The following TEX14 variants were observed in gnomAD, a reference collection of about 807,000 sequenced individuals.
The protein encoded by TEX14 is testis expressed 14, intercellular bridge forming factor.
A neutral mutation model predicts 178.6 loss-of-function variants in TEX14; 168 were observed. The observed-to-expected ratio is 0.94, with a 90% confidence interval of 0.83 to 1.07. The LOEUF is 1.07. Ranked by LOEUF, TEX14 falls within the 50% of genes least tolerant of loss-of-function variation. The pLI is 0.00. For missense variants in TEX14, 1,730 were observed against 1,753.6 expected (o/e 0.99, Z 0.24); for synonymous variants, 626 against 634.1 (o/e 0.99, Z 0.19).
intron 3 of TEX14, among the ~76,000 whole-genome samples, chr17:58,626,121 T>TCCCTTTCCTGCCC (rs1008915841): frequency 1.3e-5 from 2 of 152,056 alleles, no homozygotes; most frequent in Non-Finnish European, 2.9e-5. Flanking sequence ...CTTTCCTGGC[T>TCCCTTTCCTGCCC]CCCTTTCCTG....
At chr17:58,653,794 TG>T (rs1415568698) in intron 1 of TEX14, among the ~76,000 whole-genome samples, 1 of 152,224 alleles carries the variant, frequency 6.6e-6, no homozygotes, top group Non-Finnish European at 1.5e-5. Context: ...GCCCCCTTTG[TG>T]GCAGTCCAGG....
At chr17:58,620,835 A>G (rs1274001293) in intron 5 of TEX14, among the ~76,000 whole-genome samples, 2 of 145,726 alleles carry the variant, frequency 1.4e-5, no homozygotes, top group African/African-American at 4.9e-5. Context: ...CTGAGCAAAG[A>G]GCCAAAACTG....
intron 26 of TEX14, 81 bp from the exon 27 acceptor site, chr17:58,565,905 G>T: frequency 8.9e-7 from 1 of 1,125,154 alleles, no homozygotes; most frequent in Non-Finnish European, 1.3e-6. Context: ...GTTCTCCAAG[G>T]GTGATCCTTA....
intron 1 of TEX14, among the ~76,000 whole-genome samples, chr17:58,678,353 C>T (rs1053094570): frequency 6.6e-6 from 1 of 152,080 alleles, no homozygotes; most frequent in African/African-American, 2.4e-5. Context: ...ATAAATCATG[C>T]TACTATAAAG....
At chr17:58,691,785 C>A (rs2047734952) in intron 1 of TEX14, among the ~76,000 whole-genome samples, 154 bp downstream of exon 1, 1 of 151,980 alleles carries the variant, frequency 6.6e-6, no homozygotes, top group African/African-American at 2.4e-5. Flanking sequence ...GCTTGCCTTC[C>A]TCCCCGAAGT....
chr17:58,638,700 G>A (rs1408768915), intron 2 of TEX14, among the ~76,000 whole-genome samples: 1 of 151,782 alleles, frequency 6.6e-6, no homozygotes, highest in Admixed American at 6.6e-5. Context: ...CACGACGCCT[G>A]CCTAATTTTT....
At position 58,605,081 on chromosome 17, in the gene TEX14, C is replaced by T. The variant is rs370936255; in HGVS notation, c.1233G>A (p.Thr411=). 8.7e-6 allele frequency: 14 copies of T among 1,614,030 alleles called. No individual in the cohort carries two copies. The African/African-American group carries it at 9.3e-5, about 11-fold the overall frequency. ...CTGGTGCGGCCCAGTTGTATAGCTG[C>T]GTAGGAAGGGGCACTCGAGTCAGGT... ...QRDLTRVPLP[T]QLYNWAAPEV... Residue 411 remains threonine (T), a synonymous_variant, in exon 11 of 32, where the codon ACG becomes ACA. Coordinates refer to ENST00000349033, the MANE Select transcript of TEX14 (RefSeq NM_031272.5).
At position 58,659,428 on chromosome 17, in the gene TEX14, C is replaced by T. The variant is rs978224653; in HGVS notation, c.-1-7426G>A. 4 of 489,394 alleles carry T rather than the reference C, an allele frequency of 8.2e-6. No homozygotes were observed. The East Asian group carries it at 6.0e-4, about 73-fold the overall frequency. 30.3% of individuals were successfully genotyped at this position (489,394 alleles called of 1,614,324 possible). A position where few individuals can be genotyped will look rare whatever the true frequency, so the allele number is the denominator to read the frequency against. ...ACTACCGCTTCTTCGTATGACACAT[C>T]TCAGACTACACCTTCTTTGGTATTC... On this transcript the variant is annotated intron_variant, in intron 1 of 31. Transcript: ENST00000349033.
intron 2 of TEX14, among the ~76,000 whole-genome samples, chr17:58,643,568 G>GA (rs59425651): frequency 3.3e-5 from 5 of 149,292 alleles, no homozygotes; most frequent in East Asian, 2.0e-4. Flanking sequence ...TCTCAAAAAT[G>GA]AAAAAAAAAA....
chr17:58,655,471 C>G (rs545025059), intron 1 of TEX14, among the ~76,000 whole-genome samples: 1 of 152,206 alleles, frequency 6.6e-6, no homozygotes, highest in African/African-American at 2.4e-5. Flanking sequence ...CAGAAGCCAC[C>G]GCACCCGGCG....
chr17:58,615,290 G>T lies in TEX14; in HGVS notation c.823C>A (p.Pro275Thr). Residue 275 changes from proline to threonine, a missense_variant, in exon 8 of 32, where the codon CCA becomes ACA. Pro to Thr is a conservative substitution (Grantham distance 38). This residue lies in a region of TEX14 where 789 missense variants were observed against 681.2 expected (regional missense o/e 1.16). Coordinates refer to ENST00000349033, the MANE Select transcript of TEX14 (RefSeq NM_031272.5). ...TVKELNLPTH[P>T]HCSRLRLADL... Reference sequence around the variant, plus strand: ...GCCAGCCGCAGCCTGCTGCAGTGTGGGTGGGTGGGGAGATTCAGCTCTTTC... The same window carrying T: ...GCCAGCCGCAGCCTGCTGCAGTGTGTGTGGGTGGGGAGATTCAGCTCTTTC... 6.2e-7 allele frequency: 1 copy of T among 1,611,390 alleles called. No individual in the cohort carries two copies. Among genetic ancestry groups the T allele is most frequent in the South Asian group, 1.1e-5 (1 of 90,938 alleles).
rs1330475123 is a variant in TEX14, at chr17:58,603,965, C to T, written c.1336+1013G>A. ...TGTGTGTCTTTCTTTTGAAGGATTC[C>T]TTCCATCTTCAGATATGTGACTACT... On this transcript the variant is annotated intron_variant, in intron 11 of 31. Transcript: ENST00000349033. Among the ~76,000 whole-genome samples the T allele has an allele frequency of 1.1e-4, 14 of 125,120 alleles. No homozygotes were observed. In the Admixed American group the frequency reaches 1.2e-3, roughly 11 times the overall value. The allele number at this position is 125,120 out of a possible 152,430, so 82.1% of individuals were successfully genotyped here.
chr17:58,587,750 A>C (rs2045013210), intron 16 of TEX14, 84 bp from the exon 17 acceptor site: 4 of 1,196,730 alleles, frequency 3.3e-6, no homozygotes. Flanking sequence ...ACAGAACCAA[A>C]AGCCCACCAG....
intron 1 of TEX14, among the ~76,000 whole-genome samples, chr17:58,688,377 C>T (rs940311825): frequency 6.6e-6 from 1 of 152,134 alleles, no homozygotes; most frequent in Non-Finnish European, 1.5e-5. Flanking sequence ...GCCTCAGCCT[C>T]CTAAAGTGAT....
In TEX14 at chr17:58,613,501, G is replaced by A. The variant is rs756801338; in HGVS notation, c.925C>T (p.Leu309Phe). ...PYLLQLMAVCLSQDLEKTRLV... is the reference protein window; with the variant it reads ...PYLLQLMAVCFSQDLEKTRLV... Reference sequence around the variant, plus strand: ...CGGGTTTTCTCTAGGTCCTGGGAGAGACACACAGCCATCAACTGTAGCAAG... The same window carrying A: ...CGGGTTTTCTCTAGGTCCTGGGAGAAACACACAGCCATCAACTGTAGCAAG... Residue 309 changes from leucine to phenylalanine, a missense_variant, in exon 9 of 32, where the codon CTC (leucine) becomes TTC (phenylalanine). Transcript: ENST00000349033. 4 of 1,613,998 alleles carry A rather than the reference G, an allele frequency of 2.5e-6. No individual in the cohort carries two copies. Among genetic ancestry groups the A allele is most frequent in the Non-Finnish European group, 3.4e-6 (4 of 1,180,002 alleles).
intron 1 of TEX14, among the ~76,000 whole-genome samples, chr17:58,677,205 T>C (rs1420825154): frequency 6.6e-6 from 1 of 151,338 alleles, no homozygotes; most frequent in African/African-American, 2.4e-5. Context: ...AAGGACTGAG[T>C]CCAGGAGGTC....
intron 1 of TEX14, among the ~76,000 whole-genome samples, chr17:58,680,512 C>A (rs997847249): frequency 2.6e-5 from 4 of 151,998 alleles, no homozygotes; most frequent in Admixed American, 6.6e-5. Context: ...GAGGCCAATG[C>A]GGGCAGATCA....
chr17:58,602,627 A>G (rs758027608), intron 11 of TEX14, 37 bp from the exon 12 acceptor site: 12 of 1,562,938 alleles, frequency 7.7e-6, no homozygotes. Context: ...GTAAATTAGG[A>G]AACCAAAGAG....
intron 13 of TEX14, among the ~76,000 whole-genome samples, 167 bp from the exon 14 acceptor site, chr17:58,599,833 TGAGGGA>T (rs1296152626): frequency 6.6e-6 from 1 of 150,946 alleles, no homozygotes; most frequent in African/African-American, 2.4e-5. Flanking sequence ...TCACAAAGGG[TGAGGGA>T]GTATGTGTCC....
Sources: gnomAD v4.1 joint callset for allele counts (sites outside exome capture counted in the v4.1 genomes callset) on GRCh38, gnomAD v4.1.1 for gene constraint, gnomAD v4.1.1 regional missense constraint, MANE v1.5 for transcripts, NCBI Gene and HGNC (gene_info 2026-07-23, HGNC 2026-07-21) for gene names.